TTC3: variants seen among roughly 807,000 people sequenced by gnomAD.
TTC3 encodes the protein tetratricopeptide repeat domain 3.
TTC3 carries 180 observed loss-of-function variants against 249.6 expected under a neutral mutation model. That is an observed-to-expected ratio of 0.72 (90% CI 0.64 to 0.82). The LOEUF (loss-of-function observed/expected upper bound fraction) is 0.82. Ranked by LOEUF, TTC3 falls within the 40% of genes least tolerant of loss-of-function variation. TTC3 has a pLI of 0.00. For synonymous variants in TTC3, 717 were observed against 805.0 expected (o/e 0.89, Z 1.85); for missense variants, 2,061 against 2,398.4 (o/e 0.86, Z 2.94).
chr21:37,143,773 G>T (rs368873880), intron 20 of TTC3, among the ~76,000 whole-genome samples: 2 of 141,044 alleles, frequency 1.4e-5, no homozygotes, highest in African/African-American at 2.7e-5. Context: ...AAATCATGCT[G>T]CTATAAAGAC....
chr21:37,092,361 G>A (rs182202674), intron 7 of TTC3, among the ~76,000 whole-genome samples: 78 of 152,318 alleles, frequency 5.1e-4, no homozygotes, highest in Non-Finnish European at 1.0e-3. Context: ...GTATTACACT[G>A]ATAGAGGTTG....
chr21:37,150,842 A>G (rs1240513180), exon 25 of TTC3: 1 of 1,610,678 alleles, frequency 6.2e-7, no homozygotes, highest in East Asian at 2.2e-5. Flanking sequence ...GTCATAAAAG[A>G]AAAGGTTCCT....
At chr21:37,129,047 G>A in exon 16 of TTC3, 1 of 1,592,410 alleles carries the variant, frequency 6.3e-7, no homozygotes, top group Non-Finnish European at 8.5e-7. Flanking sequence ...TCGAAACAAT[G>A]AATCAGAAAA....
exon 11 of TTC3, chr21:37,108,428 G>A: frequency 6.2e-7 from 1 of 1,612,400 alleles, no homozygotes; most frequent in South Asian, 1.1e-5. Context: ...CCACTATTCT[G>A]AAGAACACTT....
At chr21:37,166,524 A>G in exon 33 of TTC3, 1 of 1,614,198 alleles carries the variant, frequency 6.2e-7, no homozygotes, top group Non-Finnish European at 8.5e-7. Flanking sequence ...AATGATGAGC[A>G]CTGTGGAAAT....
At chr21:37,095,225 A>G in intron 8 of TTC3, 125 bp from the exon 9 acceptor site, 2 of 634,718 alleles carry the variant, frequency 3.2e-6, no homozygotes, top group South Asian at 2.0e-5. Flanking sequence ...CATTTTCTAC[A>G]TAAATAATCC....
chr21:37,188,683 C>T (rs146893153), intron 39 of TTC3, 88 bp downstream of exon 39: 3 of 919,242 alleles, frequency 3.3e-6, no homozygotes, highest in South Asian at 3.9e-5. Context: ...GTATTAGGAC[C>T]ATTTTATTTT....
intron 30 of TTC3, among the ~76,000 whole-genome samples, chr21:37,161,282 A>T (rs892717794): frequency 1.3e-5 from 2 of 151,984 alleles, no homozygotes; most frequent in African/African-American, 4.8e-5. Context: ...GGGCATTTTT[A>T]TTTTTATTTT....
intron 21 of TTC3, among the ~76,000 whole-genome samples, chr21:37,145,099 G>A (rs2078868903): frequency 6.6e-6 from 1 of 152,178 alleles, no homozygotes; most frequent in Non-Finnish European, 1.5e-5. Flanking sequence ...TACTGAGATG[G>A]TACTTGAAGA....
At chr21:37,109,177 C>T (rs2075366173) in intron 11 of TTC3, among the ~76,000 whole-genome samples, 1 of 152,180 alleles carries the variant, frequency 6.6e-6, no homozygotes. Context: ...AACTGAGGTA[C>T]TGGGTTCATC....
exon 35 of TTC3, chr21:37,172,679 C>A (rs750502481): frequency 6.2e-7 from 1 of 1,613,986 alleles, no homozygotes; most frequent in Admixed American, 1.7e-5. Flanking sequence ...GCAGATAAAA[C>A]TTAAGGGCTT....
At chr21:37,129,017 C>T (rs750592016) in exon 16 of TTC3, 2 of 1,594,524 alleles carry the variant, frequency 1.3e-6, no homozygotes, top group Non-Finnish European at 1.7e-6. Flanking sequence ...GCCTCCAAAA[C>T]ATAAAGGAAA....
At chr21:37,190,374 TC>T (rs1212778216) in intron 39 of TTC3, among the ~76,000 whole-genome samples, 2 of 151,660 alleles carry the variant, frequency 1.3e-5, no homozygotes, top group East Asian at 3.9e-4. Context: ...GACCTGGTGA[TC>T]CGCCTGCCTA....
Position 37,200,332 on chromosome 21 carries a change from C to T in TTC3, c.5943+8C>T, listed in dbSNP as rs201179611. The T allele has an allele frequency of 3.3e-5, 54 of 1,613,628 alleles. No individual in the cohort carries two copies. The Middle Eastern group carries it at 4.9e-4, about 15-fold the overall frequency. ...CACAAGTATCACAAAGGGGTAAGAG[C>T]TCTTTTTGGCCATCCTTACAGCATG... On this transcript the variant is annotated splice_region_variant and intron_variant, in intron 45 of 45. Transcript: ENST00000355666.
At chr21:37,190,349 T>C (rs1395037097) in intron 39 of TTC3, among the ~76,000 whole-genome samples, 1 of 151,766 alleles carries the variant, frequency 6.6e-6, no homozygotes, top group African/African-American at 2.4e-5. Flanking sequence ...TTGGCCATGC[T>C]GGTCTCTAAC....
Position 37,166,625 on chromosome 21 carries a change from A to T in TTC3, c.4401+10A>T. 1 of 1,589,342 alleles carries T rather than the reference A, an allele frequency of 6.3e-7. No individual in the cohort carries two copies. Among genetic ancestry groups the T allele is most frequent in the Non-Finnish European group, 8.6e-7 (1 of 1,166,014 alleles). On this transcript the variant is annotated intron_variant, in intron 33 of 45. Coordinates refer to ENST00000355666, the Ensembl canonical transcript of TTC3. The stretch of plus-strand genomic sequence containing the variant: ...GATGGTTGCCATACAGGTAAGAGTT[A>T]AATAGAAAAGTCTTCTTAATACTGA...
chr21:37,166,207 A>C, exon 33 of TTC3: 3 of 1,614,128 alleles, frequency 1.9e-6, no homozygotes, highest in Non-Finnish European at 2.5e-6. Context: ...TCACCCAGAC[A>C]CCGCCAGCAT....
intron 11 of TTC3, among the ~76,000 whole-genome samples, chr21:37,120,988 TTCACTAGTAAA>T (rs1188375223): frequency 6.6e-6 from 1 of 152,174 alleles, no homozygotes; most frequent in Non-Finnish European, 1.5e-5. Context: ...TCTAGCCTCT[TTCACTAGTAAA>T]TCACCTTGCC....
intron 5 of TTC3, 101 bp downstream of exon 5, chr21:37,088,987 T>C (rs2072894387): frequency 9.5e-7 from 1 of 1,055,670 alleles, no homozygotes; most frequent in Admixed American, 2.4e-5. Flanking sequence ...AATTAACAGG[T>C]AATGGTTTTA....
Sources: allele counts gnomAD v4.1 joint callset (sites outside exome capture counted in the v4.1 genomes callset), GRCh38; gene constraint gnomAD v4.1.1; transcripts MANE v1.5; gene names NCBI Gene and HGNC (gene_info 2026-07-23, HGNC 2026-07-21).